The following CSMD1 variants were observed in gnomAD, a reference collection of about 807,000 sequenced individuals.
The protein encoded by CSMD1 is CUB and sushi domain-containing protein 1.
A neutral mutation model predicts 417.5 loss-of-function variants in CSMD1; 213 were observed. That is an observed-to-expected ratio of 0.51 (90% confidence interval 0.46 to 0.57). The LOEUF is 0.57. Among genes scored for constraint, CSMD1 ranks in the 20% least tolerant of loss-of-function variants. CSMD1 has a pLI of 0.00. For synonymous variants in CSMD1, 2,862 were observed against 1,736.8 expected (o/e 1.65, Z -16.11); for missense variants, 6,923 against 4,529.7 (o/e 1.53, Z -15.17).
intron 5 of CSMD1, among the ~76,000 whole-genome samples, chr8:3,932,218 T>G (rs556908299): frequency 3.3e-5 from 5 of 150,616 alleles, no homozygotes; most frequent in African/African-American, 1.2e-4. Flanking sequence ...CATATCATGT[T>G]ACTGAAAAGG....
chr8:3,564,858 C>G (rs935312624), intron 10 of CSMD1, among the ~76,000 whole-genome samples: 27 of 151,902 alleles, frequency 1.8e-4, no homozygotes, highest in Admixed American at 1.1e-3. Context: ...AACTGTTAAG[C>G]AGCAGTAACG....
At chr8:4,448,756 G>A (rs55696300) in intron 2 of CSMD1, among the ~76,000 whole-genome samples, 3 of 152,056 alleles carry the variant, frequency 2.0e-5, no homozygotes, top group South Asian at 2.1e-4. Flanking sequence ...ATGACATAAT[G>A]ACAACCATAT....
chr8:4,460,909 C>G (rs769539549), intron 2 of CSMD1, among the ~76,000 whole-genome samples: 3 of 152,032 alleles, frequency 2.0e-5, no homozygotes, highest in Non-Finnish European at 4.4e-5. Flanking sequence ...GATCACATTC[C>G]AACTTATTTT....
At position 4,208,634 on chromosome 8, in the gene CSMD1, C is replaced by T. The variant is rs142892451; in HGVS notation, c.416-176535G>A. Among the ~76,000 whole-genome samples the T allele has an allele frequency of 1.6e-4, 24 of 151,892 alleles. 1 individual carries two copies. The East Asian group carries it at 4.1e-3, about 26-fold the overall frequency. ...GAATATAGAGTCATAAAACTAAGGC[C>T]GTGATATGCAGTAGAATGACATAAA... is the stretch of plus-strand genomic sequence containing the variant. On this transcript the variant is annotated intron_variant, in intron 3 of 69. Transcript: ENST00000635120.
At chr8:4,656,487 A>G (rs902059609) in intron 1 of CSMD1, among the ~76,000 whole-genome samples, 8 of 152,044 alleles carry the variant, frequency 5.3e-5, no homozygotes, top group Admixed American at 4.6e-4. Context: ...TTTACGGACC[A>G]TTTCATAAAA....
chr8:4,028,775 T>A (rs944373270), intron 4 of CSMD1, among the ~76,000 whole-genome samples: 8 of 152,234 alleles, frequency 5.3e-5, no homozygotes, highest in Admixed American at 1.3e-4. Flanking sequence ...AATGGTATAA[T>A]CCAAGTGAAG....
At chr8:4,466,811 C>G (rs894792716) in intron 2 of CSMD1, among the ~76,000 whole-genome samples, 8 of 151,844 alleles carry the variant, frequency 5.3e-5, no homozygotes, top group African/African-American at 1.9e-4. Context: ...AATAACAAGC[C>G]ATTTAAAATT....
chr8:3,725,977 T>C (rs1160394983), intron 6 of CSMD1, among the ~76,000 whole-genome samples: 2 of 152,068 alleles, frequency 1.3e-5, no homozygotes, highest in Non-Finnish European at 2.9e-5. Flanking sequence ...TGGAAGTAAT[T>C]GTGTGTGACT....
At chr8:4,308,713 G>T (rs964531127) in intron 3 of CSMD1, among the ~76,000 whole-genome samples, 5 of 152,200 alleles carry the variant, frequency 3.3e-5, no homozygotes, top group Non-Finnish European at 7.3e-5. Context: ...GCATTTGCAT[G>T]ATTTAGAGTA....
chr8:3,286,569 G>T (rs1803176257), intron 25 of CSMD1, among the ~76,000 whole-genome samples: 1 of 152,046 alleles, frequency 6.6e-6, no homozygotes, highest in Non-Finnish European at 1.5e-5. Flanking sequence ...GCATTTCTCT[G>T]ATGGCCGGTG....
At chr8:4,509,245 G>C (rs1802694159) in intron 2 of CSMD1, among the ~76,000 whole-genome samples, 1 of 152,054 alleles carries the variant, frequency 6.6e-6, no homozygotes, top group Non-Finnish European at 1.5e-5. Context: ...AGAGATCAAA[G>C]AGAATCAGAA....
At chr8:4,120,315 TTTTATTGATTA>T (rs1802410897) in intron 3 of CSMD1, among the ~76,000 whole-genome samples, 1 of 152,236 alleles carries the variant, frequency 6.6e-6, no homozygotes, top group Non-Finnish European at 1.5e-5. Context: ...GTTATTTCAA[TTTTATTGATTA>T]CTTAGCTATA....
intron 3 of CSMD1, among the ~76,000 whole-genome samples, chr8:4,050,339 G>A (rs937912034): frequency 6.6e-5 from 10 of 152,138 alleles, no homozygotes; most frequent in Non-Finnish European, 1.3e-4. Context: ...TATACACAGA[G>A]CACCCACTAA....
intron 37 of CSMD1, among the ~76,000 whole-genome samples, chr8:3,180,666 C>A (rs977562697): frequency 1.3e-5 from 2 of 152,046 alleles, no homozygotes; most frequent in Non-Finnish European, 2.9e-5. Flanking sequence ...AACGGCATCT[C>A]GCTCTGTCAC....
chr8:4,847,116 A>G (rs1563575206), intron 1 of CSMD1, among the ~76,000 whole-genome samples: 1 of 152,236 alleles, frequency 6.6e-6, no homozygotes. Flanking sequence ...TTGATGTGAA[A>G]AGAGAACTTA....
intron 49 of CSMD1, among the ~76,000 whole-genome samples, chr8:3,083,658 T>TTTA (rs1563320742): frequency 2.5e-4 from 16 of 63,792 alleles, no homozygotes; most frequent in Non-Finnish European, 2.7e-4. Context: ...ATTTTTTTTT[T>TTTA]TTTTTTTTTT....
At chr8:3,291,115 G>A (rs867802698) in intron 25 of CSMD1, among the ~76,000 whole-genome samples, 14 of 152,244 alleles carry the variant, frequency 9.2e-5, no homozygotes, top group African/African-American at 3.4e-4. Flanking sequence ...CTGTTTATAT[G>A]CTAGATTACA....
In CSMD1 at chr8:3,447,474, G is replaced by A. The variant is rs10283209; in HGVS notation, c.1561+21238C>T. On this transcript the variant is annotated intron_variant, in intron 12 of 69. Transcript: ENST00000635120. Reference sequence around the variant, plus strand: ...AATGAAAAGTATTTAGGGTAAGAGCGATGCATATTGCAGAGGAATGGGAAG... The same window carrying A: ...AATGAAAAGTATTTAGGGTAAGAGCAATGCATATTGCAGAGGAATGGGAAG... 8.4e-3 allele frequency among the ~76,000 whole-genome samples: 1,275 copies of A among 152,260 alleles called. 17 individuals are homozygous for A. Among genetic ancestry groups the A allele is most frequent in the African/African-American group, 0.029 (1,205 of 41,552 alleles).
intron 2 of CSMD1, among the ~76,000 whole-genome samples, chr8:4,429,389 A>T (rs933669393): frequency 2.6e-5 from 4 of 152,106 alleles, no homozygotes; most frequent in African/African-American, 7.2e-5. Flanking sequence ...CTACATATAC[A>T]AACTATATCG....
Sources: allele counts gnomAD v4.1 joint callset (sites outside exome capture counted in the v4.1 genomes callset), GRCh38; gene constraint gnomAD v4.1.1; transcripts MANE v1.5; gene names NCBI Gene and HGNC (gene_info 2026-07-23, HGNC 2026-07-21).